Variants in ITSN1 observed in about 807,000 individuals in gnomAD.
ITSN1 encodes the protein intersectin-1.
In ITSN1, 58 loss-of-function variants were observed where a neutral mutation model predicts 239.8. The observed-to-expected ratio is 0.24, with a 90% CI of 0.20 to 0.30. The LOEUF is 0.30. ITSN1 is among the 10% of genes least tolerant of loss of function. The pLI, the probability that ITSN1 is intolerant of heterozygous loss-of-function variation, is 1.00. For missense variants in ITSN1, 1,558 were observed against 2,103.3 expected, an observed-to-expected ratio of 0.74 and a Z score of 5.07; for synonymous variants, 780 against 770.8, an observed-to-expected ratio of 1.01 and a Z score of -0.20.
intron 20 of ITSN1, among the ~76,000 whole-genome samples, chr21:33,804,942 A>C (rs564897304): frequency 6.6e-6 from 1 of 152,240 alleles, no homozygotes. Flanking sequence ...CCTGGGCCAC[A>C]TGCAGCCAGT....
intron 19 of ITSN1, among the ~76,000 whole-genome samples, 187 bp from the exon 20 acceptor site, chr21:33,802,243 T>A (rs981795513): frequency 2.6e-4 from 39 of 152,214 alleles, no homozygotes; most frequent in African/African-American, 8.9e-4. Context: ...TGAGAAAGTG[T>A]TGCTCTTTTT....
Position 33,794,455 on chromosome 21 carries a change from G to C in ITSN1, c.1939G>C (p.Glu647Gln). ...RKIIELEKQK[E>Q]EAQRRAQERD... ...GATCATAGAATTAGAAAAACAAAAAGAAGAAGCCCAAAGGTGAGTCTTCTT... is the reference window on the plus strand; with the variant it reads ...GATCATAGAATTAGAAAAACAAAAACAAGAAGCCCAAAGGTGAGTCTTCTT... The change falls in exon 17 of 40, where the codon GAA becomes CAA. Residue 647 changes from glutamate (E) to glutamine (Q), a missense_variant. Transcript: ENST00000381318. 6.2e-7 allele frequency: 1 copy of C among 1,612,310 alleles called. No individual in the cohort carries two copies. Among genetic ancestry groups the C allele is most frequent in the Non-Finnish European group, 8.5e-7 (1 of 1,179,420 alleles).
chr21:33,764,777 A>T (rs969210182), intron 9 of ITSN1, among the ~76,000 whole-genome samples: 1 of 152,230 alleles, frequency 6.6e-6, no homozygotes, highest in Admixed American at 6.5e-5. Context: ...TAGTGAATGG[A>T]TGTGTTGTCA....
At chr21:33,875,632 C>T (rs1480334933) in intron 34 of ITSN1, 111 bp downstream of exon 34, 1 of 945,506 alleles carries the variant, frequency 1.1e-6, no homozygotes, top group Non-Finnish European at 1.6e-6. Context: ...CGATAGCATC[C>T]TCATTTCCAT....
chr21:33,724,308 A>G (rs1415703674), intron 4 of ITSN1, among the ~76,000 whole-genome samples: 1 of 152,242 alleles, frequency 6.6e-6, no homozygotes, highest in Non-Finnish European at 1.5e-5. Context: ...CAGATAACCA[A>G]GCGGTTTTGG....
rs752330616 is a variant in ITSN1, at chr21:33,867,259, A to G, written c.4101A>G (p.Lys1367=). 2.5e-6 allele frequency: 4 copies of G among 1,609,930 alleles called. No individual in the cohort carries two copies. The highest frequency in any genetic ancestry group is 2.2e-5 in the South Asian group (2 of 91,006). ...GATTGGCAATGGATCCTCGGTGTAAAGGGATGCCACTCTCTAGTTTTATAC... is the reference window on the plus strand; with the variant it reads ...GATTGGCAATGGATCCTCGGTGTAAGGGGATGCCACTCTCTAGTTTTATAC... ...VKRLAMDPRC[K]GMPLSSFILK... is the part of the protein sequence containing the mutation. Residue 1367 remains lysine, a synonymous_variant, in exon 33 of 40, where the codon AAA becomes AAG. Transcript: ENST00000381318.
At chr21:33,668,763 C>G (rs1234413421) in intron 1 of ITSN1, among the ~76,000 whole-genome samples, 1 of 152,220 alleles carries the variant, frequency 6.6e-6, no homozygotes, top group Non-Finnish European at 1.5e-5. Context: ...CCCAAACCTT[C>G]CCAGTGGAAC....
chr21:33,687,043 A>G (rs2091276364), intron 1 of ITSN1, among the ~76,000 whole-genome samples: 2 of 152,156 alleles, frequency 1.3e-5, no homozygotes, highest in Admixed American at 6.5e-5. Context: ...AGAATTTTCA[A>G]GCCTCAGCTG....
chr21:33,687,243 A>G (rs1221383989), intron 1 of ITSN1, among the ~76,000 whole-genome samples: 1 of 151,646 alleles, frequency 6.6e-6, no homozygotes, highest in Non-Finnish European at 1.5e-5. Context: ...AAGAAAAAAA[A>G]AAAAATTATT....
intron 29 of ITSN1, among the ~76,000 whole-genome samples, chr21:33,851,152 C>T (rs919570230): frequency 2.6e-5 from 4 of 152,208 alleles, no homozygotes; most frequent in African/African-American, 9.7e-5. Flanking sequence ...ACCCTGTCAT[C>T]TGGCCCTTCC....
chr21:33,734,321 C>T (rs530352369), intron 4 of ITSN1, among the ~76,000 whole-genome samples: 1 of 152,156 alleles, frequency 6.6e-6, no homozygotes, highest in Non-Finnish European at 1.5e-5. Flanking sequence ...TGAGAAAATA[C>T]TTTACATTAA....
chr21:33,692,674 C>A (rs899450362), intron 1 of ITSN1, among the ~76,000 whole-genome samples: 1 of 152,060 alleles, frequency 6.6e-6, no homozygotes, highest in African/African-American at 2.4e-5. Flanking sequence ...ATAATGGAAT[C>A]TCATCCATTA....
At chr21:33,730,795 G>A (rs2066135248) in intron 4 of ITSN1, among the ~76,000 whole-genome samples, 1 of 151,898 alleles carries the variant, frequency 6.6e-6, no homozygotes, top group South Asian at 2.1e-4. Flanking sequence ...CGTCTCCCAG[G>A]TTCAAGCAAT....
At chr21:33,799,678 T>C in intron 18 of ITSN1, 130 bp from the exon 19 acceptor site, 1 of 1,011,196 alleles carries the variant, frequency 9.9e-7, no homozygotes, top group Non-Finnish European at 1.4e-6. Context: ...AGAAATTCCT[T>C]GAATGGAGGG....
chr21:33,697,398 T>C (rs1412629660), intron 1 of ITSN1, among the ~76,000 whole-genome samples: 2 of 152,032 alleles, frequency 1.3e-5, no homozygotes, highest in African/African-American at 4.8e-5. Context: ...ATCTCTTCTT[T>C]AGTGACTGTA....
At chr21:33,718,676 G>T in intron 1 of ITSN1, 121 bp from the exon 2 acceptor site, 1 of 689,200 alleles carries the variant, frequency 1.5e-6, no homozygotes. Context: ...TTCCTTAATT[G>T]TAGAGCTATG....
intron 16 of ITSN1, among the ~76,000 whole-genome samples, chr21:33,793,207 A>T (rs924067815): frequency 6.6e-6 from 1 of 152,182 alleles, no homozygotes; most frequent in Admixed American, 6.5e-5. Flanking sequence ...TTTGTTGTTC[A>T]ATCTCTGAAT....
At chr21:33,781,167 C>G (rs1245336403) in intron 14 of ITSN1, among the ~76,000 whole-genome samples, 1 of 152,152 alleles carries the variant, frequency 6.6e-6, no homozygotes, top group African/African-American at 2.4e-5. Flanking sequence ...TTCAATTTAT[C>G]TCTGTGGAGT....
At chr21:33,654,374 C>T (rs1317672862) in intron 1 of ITSN1, among the ~76,000 whole-genome samples, 1 of 151,884 alleles carries the variant, frequency 6.6e-6, no homozygotes, top group African/African-American at 2.4e-5. Flanking sequence ...TTTAAATTCA[C>T]TTTAATTATC....
Sources: allele counts gnomAD v4.1 joint callset (sites outside exome capture counted in the v4.1 genomes callset), GRCh38; gene constraint gnomAD v4.1.1; transcripts MANE v1.5; gene names NCBI Gene and HGNC (gene_info 2026-07-23, HGNC 2026-07-21).